Variants in SLIT3 observed in about 807,000 individuals in gnomAD.
SLIT3 encodes slit guidance ligand 3.
A neutral mutation model predicts 184.0 loss-of-function variants in SLIT3; 68 were observed. That is an observed-to-expected ratio of 0.37 (90% CI 0.30 to 0.45). The LOEUF (loss-of-function observed/expected upper bound fraction) is 0.45. SLIT3 is among the 20% of genes least tolerant of loss of function. The probability of loss-of-function intolerance (pLI) is 1.00; values close to 1 mark genes in which losing one functional copy is unlikely to be tolerated. For synonymous variants in SLIT3, 831 were observed against 828.6 expected, an observed-to-expected ratio of 1.00 and a Z score of -0.05; for missense variants, 1,707 against 2,026.0, an observed-to-expected ratio of 0.84 and a Z score of 3.02.
chr5:169,127,652 T>C (rs1489309840), intron 4 of SLIT3, among the ~76,000 whole-genome samples: 2 of 152,244 alleles, frequency 1.3e-5, no homozygotes, highest in African/African-American at 4.8e-5. Flanking sequence ...GCAGGGGCTC[T>C]GGTTTCGCTT....
At chr5:168,751,623 C>T (rs760801328) in intron 18 of SLIT3, among the ~76,000 whole-genome samples, 11 of 152,354 alleles carry the variant, frequency 7.2e-5, no homozygotes, top group African/African-American at 1.4e-4. Context: ...ACAGAGGCTC[C>T]CTTCCCACGA....
intron 4 of SLIT3, among the ~76,000 whole-genome samples, chr5:168,936,766 G>A (rs1346637838): frequency 6.6e-6 from 1 of 152,148 alleles, no homozygotes; most frequent in Non-Finnish European, 1.5e-5. Context: ...TTGGCGTTCA[G>A]TGAAGGGAGG....
At chr5:169,050,238 G>A (rs2113057361) in intron 4 of SLIT3, among the ~76,000 whole-genome samples, 1 of 152,332 alleles carries the variant, frequency 6.6e-6, no homozygotes, top group East Asian at 1.9e-4. Flanking sequence ...AGTTAGGAAT[G>A]CAGCACTGTA....
chr5:169,244,850 G>A, intron 2 of SLIT3, 74 bp from the exon 3 acceptor site: 1 of 1,260,278 alleles, frequency 7.9e-7, no homozygotes, highest in Non-Finnish European at 1.2e-6. Flanking sequence ...TTCATGCCAT[G>A]CAGGCATGGT....
At chr5:169,253,697 C>T (rs1449891219) in intron 1 of SLIT3, among the ~76,000 whole-genome samples, 1 of 152,148 alleles carries the variant, frequency 6.6e-6, no homozygotes, top group Non-Finnish European at 1.5e-5. Context: ...GCATCTCTCC[C>T]ATCTCAACTT....
At chr5:169,246,571 A>G (rs1453180812) in intron 2 of SLIT3, among the ~76,000 whole-genome samples, 2 of 152,240 alleles carry the variant, frequency 1.3e-5, no homozygotes, top group African/African-American at 4.8e-5. Context: ...TACGAGAACA[A>G]AAATGGAATA....
intron 4 of SLIT3, among the ~76,000 whole-genome samples, chr5:169,035,434 G>A (rs1462105476): frequency 6.6e-6 from 1 of 152,054 alleles, no homozygotes; most frequent in Non-Finnish European, 1.5e-5. Context: ...TGGATCATGA[G>A]GTCAGGAGAT....
chr5:169,227,491 G>A (rs1388590206), intron 3 of SLIT3, among the ~76,000 whole-genome samples: 1 of 152,074 alleles, frequency 6.6e-6, no homozygotes, highest in African/African-American at 2.4e-5. Flanking sequence ...ACAGTGGCAC[G>A]ATCTTGGCTT....
At chr5:168,981,319 G>T (rs1473013047) in intron 4 of SLIT3, among the ~76,000 whole-genome samples, 1 of 152,124 alleles carries the variant, frequency 6.6e-6, no homozygotes, top group Non-Finnish European at 1.5e-5. Flanking sequence ...TTGGTAAATG[G>T]GGGTAGGGGA....
chr5:169,195,177 C>A (rs1054899604), intron 3 of SLIT3, among the ~76,000 whole-genome samples: 1 of 152,148 alleles, frequency 6.6e-6, no homozygotes, highest in African/African-American at 2.4e-5. Context: ...CTCCTGGCCC[C>A]AAAGCCCTGG....
At chr5:169,054,834 A>G (rs572043724) in intron 4 of SLIT3, among the ~76,000 whole-genome samples, 1 of 152,278 alleles carries the variant, frequency 6.6e-6, no homozygotes, top group South Asian at 2.1e-4. Context: ...CTCAAGGTCT[A>G]TCTCCTTCTG....
intron 4 of SLIT3, among the ~76,000 whole-genome samples, chr5:169,027,217 CA>C (rs1756863782): frequency 6.6e-6 from 1 of 152,134 alleles, no homozygotes; most frequent in Admixed American, 6.5e-5. Flanking sequence ...CACAGTGCTG[CA>C]CAGGCTACAT....
At chr5:168,854,853 A>G (rs950894376) in intron 5 of SLIT3, among the ~76,000 whole-genome samples, 3 of 152,222 alleles carry the variant, frequency 2.0e-5, no homozygotes, top group Non-Finnish European at 4.4e-5. Context: ...GAAGCCAATT[A>G]AAACATGTCT....
Position 168,894,695 on chromosome 5 carries a change from C to T in SLIT3, c.414-11359G>A, listed in dbSNP as rs374347261. 3.9e-5 allele frequency among the ~76,000 whole-genome samples: 6 copies of T among 152,230 alleles called. No homozygotes were observed. The East Asian group carries it at 5.8e-4, about 15-fold the overall frequency. On this transcript the variant is annotated intron_variant, in intron 4 of 35. Transcript: ENST00000519560. The stretch of plus-strand genomic sequence containing the variant: ...TAAGTGGACAGATAACTTGATTTTT[C>T]GGAATACAGATTAAACCTGGCCTGA...
At chr5:168,741,478 C>CAAAAAA (rs3061744) in intron 20 of SLIT3, among the ~76,000 whole-genome samples, 13 of 81,624 alleles carry the variant, frequency 1.6e-4, no homozygotes, top group African/African-American at 2.1e-4. Flanking sequence ...GACTCGGTCT[C>CAAAAAA]AAAAAAAAAA....
At chr5:169,112,619 C>A (rs1048750638) in intron 4 of SLIT3, among the ~76,000 whole-genome samples, 2 of 147,708 alleles carry the variant, frequency 1.4e-5, no homozygotes, top group Admixed American at 1.4e-4. Context: ...TTCTAGCGGA[C>A]CTCAAAGTCT....
chr5:169,128,807 C>T (rs1021906897), intron 4 of SLIT3, among the ~76,000 whole-genome samples: 11 of 152,188 alleles, frequency 7.2e-5, no homozygotes, highest in Non-Finnish European at 1.5e-4. Context: ...CCAACATGGA[C>T]GGTGAGCCTG....
intron 4 of SLIT3, among the ~76,000 whole-genome samples, chr5:169,145,400 A>C (rs1761895087): frequency 6.6e-6 from 1 of 152,180 alleles, no homozygotes; most frequent in Non-Finnish European, 1.5e-5. Flanking sequence ...TCTAAGGTAT[A>C]CATGTGCAGA....
chr5:168,879,655 C>T (rs751067954), intron 5 of SLIT3, among the ~76,000 whole-genome samples: 1 of 152,178 alleles, frequency 6.6e-6, no homozygotes, highest in East Asian at 1.9e-4. Flanking sequence ...AGAGACATAG[C>T]GTGGCTTTAG....
Sources: gnomAD v4.1 joint callset for allele counts (sites outside exome capture counted in the v4.1 genomes callset) on GRCh38, gnomAD v4.1.1 for gene constraint, MANE v1.5 for transcripts, NCBI Gene and HGNC (gene_info 2026-07-23, HGNC 2026-07-21) for gene names.